Variants in COL25A1 observed in about 807,000 individuals in gnomAD.
COL25A1 encodes the protein collagen alpha-1(XXV) chain.
In COL25A1, 103 loss-of-function variants were observed where a neutral mutation model predicts 128.4. That is an observed-to-expected ratio of 0.80 (90% CI 0.68 to 0.94). The LOEUF (loss-of-function observed/expected upper bound fraction) is 0.94, where lower values mean the gene tolerates loss of function less well. Ranked by LOEUF, COL25A1 falls within the 40% of genes least tolerant of loss-of-function variation. The pLI, the probability that COL25A1 is intolerant of heterozygous loss-of-function variation, is 0.00. For synonymous variants in COL25A1, 279 were observed against 277.2 expected (o/e 1.01, Z -0.06); for missense variants, 745 against 840.0 (o/e 0.89, Z 1.40).
At chr4:109,068,379 G>A (rs1762636517) in intron 3 of COL25A1, among the ~76,000 whole-genome samples, 1 of 152,014 alleles carries the variant, frequency 6.6e-6, no homozygotes, top group Non-Finnish European at 1.5e-5. Context: ...CAGCCAGACT[G>A]AAAGGGAGGG....
At chr4:109,138,354 T>C (rs1770019054) in intron 3 of COL25A1, among the ~76,000 whole-genome samples, 1 of 152,230 alleles carries the variant, frequency 6.6e-6, no homozygotes, top group Admixed American at 6.5e-5. Context: ...CCATGGCGTA[T>C]ATGTGCCACA....
chr4:109,052,716 T>C (rs1560602783), intron 3 of COL25A1, among the ~76,000 whole-genome samples: 2 of 152,168 alleles, frequency 1.3e-5, no homozygotes, highest in Non-Finnish European at 2.9e-5. Flanking sequence ...TTGATCTTGC[T>C]TCTGAATTTA....
At chr4:109,286,552 TAAGTA>T (rs1452186105) in intron 3 of COL25A1, among the ~76,000 whole-genome samples, 1 of 152,150 alleles carries the variant, frequency 6.6e-6, no homozygotes, top group Admixed American at 6.5e-5. Context: ...TCACTGGGAA[TAAGTA>T]AAGAATGATT....
chr4:109,083,781 T>C (rs1264190192), intron 3 of COL25A1, among the ~76,000 whole-genome samples: 1 of 152,120 alleles, frequency 6.6e-6, no homozygotes, highest in Non-Finnish European at 1.5e-5. Context: ...AAATATTTTA[T>C]ACATACAAAA....
intron 18 of COL25A1, among the ~76,000 whole-genome samples, chr4:108,886,095 T>C (rs1560805465): frequency 6.6e-6 from 1 of 152,212 alleles, no homozygotes; most frequent in Non-Finnish European, 1.5e-5. Context: ...ATGTGTACTA[T>C]GTATGTGTGT....
At chr4:109,198,634 A>G (rs1776314787) in intron 3 of COL25A1, among the ~76,000 whole-genome samples, 1 of 152,216 alleles carries the variant, frequency 6.6e-6, no homozygotes, top group Non-Finnish European at 1.5e-5. Context: ...TGCTAGCTCT[A>G]GAGCCTCCCT....
At chr4:108,940,675 A>G in intron 9 of COL25A1, 29 bp from the exon 10 acceptor site, 1 of 1,431,662 alleles carries the variant, frequency 7.0e-7, no homozygotes, top group Non-Finnish European at 9.5e-7. Flanking sequence ...CAGACCAGCA[A>G]TAACCATGAA....
intron 5 of COL25A1, among the ~76,000 whole-genome samples, chr4:109,038,491 G>A (rs1759565162): frequency 6.6e-6 from 1 of 152,074 alleles, no homozygotes; most frequent in Non-Finnish European, 1.5e-5. Flanking sequence ...TGTTTCTCTG[G>A]AGCACCCTGA....
chr4:109,063,783 T>C (rs1762188044), intron 3 of COL25A1, among the ~76,000 whole-genome samples: 1 of 152,124 alleles, frequency 6.6e-6, no homozygotes, highest in Non-Finnish European at 1.5e-5. Context: ...GTAAGCCCCG[T>C]CCAGATTATT....
At chr4:108,969,514 G>A (rs1376583970) in intron 8 of COL25A1, among the ~76,000 whole-genome samples, 1 of 152,188 alleles carries the variant, frequency 6.6e-6, no homozygotes, top group African/African-American at 2.4e-5. Flanking sequence ...TTCTTTTTAT[G>A]TGAGAATAAT....
At chr4:108,891,060 G>A (rs1741439091) in intron 16 of COL25A1, among the ~76,000 whole-genome samples, 1 of 152,200 alleles carries the variant, frequency 6.6e-6, no homozygotes, top group African/African-American at 2.4e-5. Flanking sequence ...TTAGCTACAT[G>A]TGAGCAGATT....
chr4:108,850,084 G>A (rs745464143), intron 26 of COL25A1, among the ~76,000 whole-genome samples: 42 of 152,260 alleles, frequency 2.8e-4, no homozygotes, highest in Non-Finnish European at 5.7e-4. Flanking sequence ...ATACTTGTCA[G>A]CACTGTGGGT....
Position 109,189,529 on chromosome 4 carries a change from C to G in COL25A1, c.367+111054G>C, listed in dbSNP as rs543821717. The stretch of plus-strand genomic sequence containing the variant: ...CGCCACTGCACTCCAGGCTGGGTGA[C>G]AGAGAGAGACTCCATCTCAAAAAAA... On this transcript the variant is annotated intron_variant, in intron 3 of 37. Transcript: ENST00000399132. 3.5e-5 allele frequency among the ~76,000 whole-genome samples: 4 copies of G among 113,540 alleles called. No individual in the cohort carries two copies. In the East Asian group the frequency reaches 7.7e-4, roughly 22 times the overall value. The allele number at this position is 113,540 out of a possible 152,430, so 74.5% of individuals were successfully genotyped here. A position where few individuals can be genotyped will look rare whatever the true frequency, so the allele number is the denominator to read the frequency against.
chr4:109,168,043 G>A (rs1292203571), intron 3 of COL25A1, among the ~76,000 whole-genome samples: 1 of 152,110 alleles, frequency 6.6e-6, no homozygotes, highest in Non-Finnish European at 1.5e-5. Context: ...CCATTTATGA[G>A]GCTCCTAAGA....
intron 15 of COL25A1, among the ~76,000 whole-genome samples, chr4:108,898,359 G>T (rs1192723846): frequency 6.6e-6 from 1 of 152,070 alleles, no homozygotes; most frequent in Non-Finnish European, 1.5e-5. Context: ...TGGGATGAGA[G>T]GTTATAATAC....
chr4:109,254,469 TTATATATATATATA>T lies in COL25A1; in HGVS notation c.367+46100_367+46113del, dbSNP rs55997800. 2.3e-3 allele frequency among the ~76,000 whole-genome samples: 138 copies of T among 59,582 alleles called. 9 individuals are homozygous for T. Among genetic ancestry groups the T allele is most frequent in the African/African-American group, 4.5e-3 (81 of 18,012 alleles). 39.1% of individuals were successfully genotyped at this position (59,582 alleles called of 152,430 possible). ...GTGCTATGTACATGTAGGCATATGT[TTATATATATATATA>T]TATATATATATATATATATATATGT... is the stretch of plus-strand genomic sequence containing the variant. On this transcript the variant is annotated intron_variant, in intron 3 of 37. Coordinates refer to ENST00000399132, the MANE Select transcript of COL25A1 (RefSeq NM_198721.4).
chr4:109,231,960 T>C (rs1779192046), intron 3 of COL25A1, among the ~76,000 whole-genome samples: 1 of 152,154 alleles, frequency 6.6e-6, no homozygotes, highest in South Asian at 2.1e-4. Context: ...TATATACAAT[T>C]ACTCAACATA....
At position 108,955,788 on chromosome 4, in the gene COL25A1, C is replaced by T. The variant is rs370004041; in HGVS notation, c.493-14351G>A. Among the ~76,000 whole-genome samples, 48 of 152,152 alleles carry T rather than the reference C, an allele frequency of 3.2e-4. No homozygotes were observed. In the South Asian group the frequency reaches 1.0e-2, roughly 32 times the overall value. ...AATGTGAATAGTTGATAGAAGAAAG[C>T]AGTAGCAACCAGTTCCTATTTAGCT... On this transcript the variant is annotated intron_variant, in intron 8 of 37. Transcript: ENST00000399132.
intron 3 of COL25A1, among the ~76,000 whole-genome samples, chr4:109,204,908 T>C (rs866245755): frequency 9.9e-5 from 15 of 152,188 alleles, no homozygotes; most frequent in Middle Eastern, 3.2e-3. Flanking sequence ...GATTCTACCA[T>C]GGCTGATAAA....
Sources: allele counts gnomAD v4.1 joint callset (sites outside exome capture counted in the v4.1 genomes callset), GRCh38; gene constraint gnomAD v4.1.1; transcripts MANE v1.5; gene names NCBI Gene and HGNC (gene_info 2026-07-23, HGNC 2026-07-21).